Variants in YIF1B observed in about 807,000 individuals in gnomAD.
YIF1B encodes protein YIF1B.
In YIF1B, 24 loss-of-function variants were observed where a neutral mutation model predicts 34.6. That is an observed-to-expected ratio of 0.69 (90% CI 0.50 to 0.98). The LOEUF is 0.98. Ranked by LOEUF, YIF1B falls within the 50% of genes least tolerant of loss-of-function variation. The pLI is 0.00. For synonymous variants in YIF1B, 186 were observed against 184.8 expected (o/e 1.01, Z -0.05); for missense variants, 368 against 429.4 (o/e 0.86, Z 1.26).
At position 38,305,447 on chromosome 19, in the gene YIF1B, C is replaced by T. The variant is rs767103730; in HGVS notation, c.850G>A (p.Gly284Arg). 1.4e-5 allele frequency: 22 copies of T among 1,610,138 alleles called. No homozygotes were observed. The highest frequency in any genetic ancestry group is 1.9e-5 in the Non-Finnish European group (22 of 1,178,102). ...TACATGCGCAGCTGGTTCCGGGCCC[C>T]ACGCACCGGGACCCCCTCAGCTGCT... ...DAAAEGVPVR[G>R]ARNQLRMYLT... Residue 284 changes from glycine to arginine, a missense_variant, in exon 8 of 8, where the codon GGG becomes AGG. Coordinates refer to ENST00000339413, the MANE Select transcript of YIF1B (RefSeq NM_001039672.3).
chr19:38,321,416 G>C (rs961275870), upstream of YIF1B, among the ~76,000 whole-genome samples: 22 of 152,108 alleles, frequency 1.4e-4, no homozygotes, highest in Non-Finnish European at 4.4e-5. Flanking sequence ...CTCCCAATAG[G>C]GACACCACCT....
chr19:38,304,862 C>G lies in YIF1B; in HGVS notation c.*490G>C. On this transcript the variant is annotated 3_prime_UTR_variant, in exon 8 of 8. Transcript: ENST00000339413. ...CCCCACAGTCCCACGCTGCTGGCTCCAAGCAGCACGAGAGCATCCCGGGCA... is the reference window on the plus strand; with the variant it reads ...CCCCACAGTCCCACGCTGCTGGCTCGAAGCAGCACGAGAGCATCCCGGGCA... The G allele has an allele frequency of 6.2e-7, 1 of 1,613,770 alleles. No homozygotes were observed. Among genetic ancestry groups the G allele is most frequent in the Non-Finnish European group, 8.5e-7 (1 of 1,179,980 alleles).
At chr19:38,314,616 CT>C (rs911022609) in intron 1 of YIF1B, among the ~76,000 whole-genome samples, 3,362 of 82,482 alleles carry the variant, frequency 0.041, 27 homozygotes, top group East Asian at 0.12. Context: ...GGATCACCCT[CT>C]TTTTTTTTTT....
chr19:38,304,595 C>G lies in YIF1B; in HGVS notation c.*757G>C. 2 of 1,612,604 alleles carry G rather than the reference C, an allele frequency of 1.2e-6. No homozygotes were observed. The highest frequency in any genetic ancestry group is 1.7e-6 in the Non-Finnish European group (2 of 1,179,666). On this transcript the variant is annotated 3_prime_UTR_variant, in exon 8 of 8. Coordinates refer to ENST00000339413, the MANE Select transcript of YIF1B (RefSeq NM_001039672.3). ...CAACTTCAGGGGGCTGGGTAAGGGG[C>G]GCCGCCTCACTGCCGCACCTCCATC...
chr19:38,310,165 A>T (rs1331125624), intron 1 of YIF1B, among the ~76,000 whole-genome samples: 1 of 65,462 alleles, frequency 1.5e-5, no homozygotes, highest in South Asian at 4.7e-4. Context: ...CCCACCCATC[A>T]ATCCATCCAT....
Position 38,309,226 on chromosome 19 carries a change from G to T in YIF1B, c.400C>A (p.Gln134Lys). The T allele has an allele frequency of 6.2e-7, 1 of 1,613,912 alleles. No individual in the cohort carries two copies. The highest frequency in any genetic ancestry group is 1.7e-5 in the Admixed American group (1 of 59,996). ...CACATTCCCCTGGGGGTGCTGACCT[G>T]GTGTAGGTAGGGGAAGAACAGCAGG... ...LGLLFFPYLH[Q>K]DWEVQYQQDT... The change falls in exon 3 of 8, where the codon CAG (glutamine) becomes AAG (lysine). Residue 134 changes from glutamine (Q) to lysine (K), a missense_variant and splice_region_variant. Physicochemically the swap from Gln to Lys is moderately conservative, Grantham distance 53. Transcript: ENST00000339413.
chr19:38,309,126 CCCTCGAGG>C lies in YIF1B; in HGVS notation c.403-77_403-70del, dbSNP rs951314419. On this transcript the variant is annotated intron_variant, in intron 3 of 7. Coordinates refer to ENST00000339413, the MANE Select transcript of YIF1B (RefSeq NM_001039672.3). ...CTCCCACCCTGCTACAGGCCCTCCTCCCTCGAGGCGAATCTCCCGGCTCCACCATGCAC... is the reference window on the plus strand; with the variant it reads ...CTCCCACCCTGCTACAGGCCCTCCTCCGAATCTCCCGGCTCCACCATGCAC... 15 of 1,565,104 alleles carry C rather than the reference CCCTCGAGG, an allele frequency of 9.6e-6. No individual in the cohort carries two copies. The African/African-American group carries it at 2.0e-4, about 21-fold the overall frequency.
At chr19:38,307,828 T>G in intron 5 of YIF1B, 76 bp from the exon 6 acceptor site, 2 of 1,565,538 alleles carry the variant, frequency 1.3e-6, no homozygotes, top group Non-Finnish European at 1.7e-6. Flanking sequence ...GGGACAGCTC[T>G]GTGTTGGGTA....
intron 7 of YIF1B, among the ~76,000 whole-genome samples, chr19:38,305,891 A>C (rs918718843): frequency 6.6e-6 from 1 of 152,112 alleles, no homozygotes; most frequent in African/African-American, 2.4e-5. Context: ...CAGAAATGCT[A>C]TCTTTATTTT....
chr19:38,320,546 CT>C (rs35248793), upstream of YIF1B, among the ~76,000 whole-genome samples: 292 of 145,630 alleles, frequency 2.0e-3, no homozygotes, highest in Middle Eastern at 3.6e-3. Flanking sequence ...GTTCCTCGGT[CT>C]TTTTTTTTTT....
chr19:38,306,455 C>T (rs1418514630), intron 7 of YIF1B, among the ~76,000 whole-genome samples: 1 of 152,060 alleles, frequency 6.6e-6, no homozygotes, highest in African/African-American at 2.4e-5. Context: ...CAGTGATCCT[C>T]CTGCCTCAGC....
upstream of YIF1B, among the ~76,000 whole-genome samples, chr19:38,318,192 TCAAAAAAA>T (rs1969604494): frequency 8.2e-5 from 2 of 24,420 alleles, no homozygotes; most frequent in African/African-American, 2.1e-4. Flanking sequence ...GACTCTTGTC[TCAAAAAAA>T]AAAAAAAAAA....
At chr19:38,307,835 G>A (rs1490514327) in intron 5 of YIF1B, 83 bp from the exon 6 acceptor site, 5 of 1,544,372 alleles carry the variant, frequency 3.2e-6, no homozygotes, top group Non-Finnish European at 4.4e-6. Flanking sequence ...CTCTGTGTTG[G>A]GTAGGGCTGG....
chr19:38,319,783 G>A (rs1005923052), upstream of YIF1B: 3 of 687,636 alleles, frequency 4.4e-6, no homozygotes, highest in African/African-American at 3.8e-5. Flanking sequence ...CCCGGAGGCG[G>A]GGCATTCCTC....
Position 38,304,881 on chromosome 19 carries a change from C to T in YIF1B, c.*471G>A, listed in dbSNP as rs780664241. 2.5e-6 allele frequency: 4 copies of T among 1,613,256 alleles called. No individual in the cohort carries two copies. In the African/African-American group the frequency reaches 4.0e-5, roughly 16 times the overall value. On this transcript the variant is annotated 3_prime_UTR_variant, in exon 8 of 8. Transcript: ENST00000339413. ...TGGCTCCAAGCAGCACGAGAGCATC[C>T]CGGGCAAGGCCAAGAAGCCCAAAGT...
chr19:38,318,015 A>G (rs1969602043), upstream of YIF1B, among the ~76,000 whole-genome samples: 1 of 151,078 alleles, frequency 6.6e-6, no homozygotes, highest in South Asian at 2.1e-4. Context: ...CAACATGGCG[A>G]AACCCTGTCT....
chr19:38,304,907 GAAGAAGAAGGAGAAGGGC>G lies in YIF1B; in HGVS notation c.*427_*444del, dbSNP rs781666590. On this transcript the variant is annotated 3_prime_UTR_variant, in exon 8 of 8. Coordinates refer to ENST00000339413, the MANE Select transcript of YIF1B (RefSeq NM_001039672.3). ...CGGGCAAGGCCAAGAAGCCCAAAGT[GAAGAAGAAGGAGAAGGGC>G]AAGAAGGAGAAGGGCAAGAAGAAGG... The G allele has an allele frequency of 2.9e-5, 33 of 1,150,068 alleles. No homozygotes were observed. Among genetic ancestry groups the G allele is most frequent in the South Asian group, 2.9e-4 (16 of 55,784 alleles). The allele number at this position is 1,150,068 out of a possible 1,614,324, so 71.2% of individuals were successfully genotyped here. A position where few individuals can be genotyped will look rare whatever the true frequency, so the allele number is the denominator to read the frequency against.
intron 5 of YIF1B, among the ~76,000 whole-genome samples, chr19:38,308,425 G>A (rs1208259120): frequency 1.3e-5 from 2 of 152,006 alleles, no homozygotes; most frequent in African/African-American, 4.8e-5. Flanking sequence ...GCAGGGCGGG[G>A]CAGGGTGGGC....
Position 38,304,479 on chromosome 19 carries a change from C to T in YIF1B, c.*873G>A. 6 of 1,555,724 alleles carry T rather than the reference C, an allele frequency of 3.9e-6. No individual in the cohort carries two copies. The highest frequency in any genetic ancestry group is 5.2e-6 in the Non-Finnish European group (6 of 1,150,052). On this transcript the variant is annotated 3_prime_UTR_variant, in exon 8 of 8. Transcript: ENST00000339413. Reference sequence around the variant, plus strand: ...GGGCCGGTCGGAGGCAGGGGCAGGTCCGGGTCCAAAGGTAAGTCGCCTCAT... The same window carrying T: ...GGGCCGGTCGGAGGCAGGGGCAGGTTCGGGTCCAAAGGTAAGTCGCCTCAT...
Sources: allele counts gnomAD v4.1 joint callset (sites outside exome capture counted in the v4.1 genomes callset), GRCh38; gene constraint gnomAD v4.1.1; transcripts MANE v1.5; gene names NCBI Gene and HGNC (gene_info 2026-07-23, HGNC 2026-07-21).